Variants in ZZEF1 observed in about 807,000 individuals in gnomAD.
ZZEF1 encodes the protein zinc finger ZZ-type and EF-hand domain containing 1, also known as zinc finger ZZ-type and EF-hand domain-containing protein 1.
A neutral mutation model predicts 342.8 loss-of-function variants in ZZEF1; 157 were observed. The ratio of observed to expected loss-of-function variants is 0.46; its 90% CI spans 0.40 to 0.52. The LOEUF (loss-of-function observed/expected upper bound fraction) is 0.52. Among genes scored for constraint, ZZEF1 ranks in the 20% least tolerant of loss-of-function variants. ZZEF1 has a pLI of 0.00. For synonymous variants in ZZEF1, 1,505 were observed against 1,429.1 expected (o/e 1.05, Z -1.20); for missense variants, 3,480 against 3,725.6 (o/e 0.93, Z 1.72).
intron 52 of ZZEF1, among the ~76,000 whole-genome samples, chr17:4,012,337 C>T (rs898286029): frequency 1.3e-5 from 2 of 152,230 alleles, no homozygotes; most frequent in Non-Finnish European, 2.9e-5. Flanking sequence ...GGACTGACTA[C>T]ACAAGCCATC....
chr17:4,036,815 A>ACTCT (rs1416299428), intron 39 of ZZEF1, among the ~76,000 whole-genome samples: 18 of 78,734 alleles, frequency 2.3e-4, no homozygotes, highest in African/African-American at 4.5e-4. Context: ...ACACACACAC[A>ACTCT]CACTCTCTCT....
intron 46 of ZZEF1, 91 bp downstream of exon 46, chr17:4,019,576 CGA>C: frequency 8.7e-7 from 1 of 1,152,932 alleles, no homozygotes; most frequent in Admixed American, 2.2e-5. Flanking sequence ...GAGCGTCGAT[CGA>C]TCCAGAAGCT....
At chr17:4,055,981 G>A (rs375536816) in intron 33 of ZZEF1, among the ~76,000 whole-genome samples, 21 of 152,324 alleles carry the variant, frequency 1.4e-4, no homozygotes, top group Middle Eastern at 3.4e-3. Context: ...TCATGCTCCC[G>A]TGAAAATCCA....
At chr17:4,010,740 A>AAAAAAAAAG (rs1350188298) in intron 52 of ZZEF1, among the ~76,000 whole-genome samples, 1 of 149,252 alleles carries the variant, frequency 6.7e-6, no homozygotes, top group African/African-American at 2.5e-5. Context: ...AAAAAAGAAA[A>AAAAAAAAAG]AGAAAAAAGA....
chr17:4,125,227 ACACT>A (rs2058555136), intron 1 of ZZEF1, among the ~76,000 whole-genome samples: 1 of 152,094 alleles, frequency 6.6e-6, no homozygotes, highest in African/African-American at 2.4e-5. Flanking sequence ...TCCTGCTGAT[ACACT>A]CACTCACACA....
chr17:4,044,163 G>T, intron 38 of ZZEF1, 61 bp downstream of exon 38: 1 of 1,575,898 alleles, frequency 6.3e-7, no homozygotes, highest in Non-Finnish European at 8.7e-7. Flanking sequence ...AACAGCTCAG[G>T]GATGGGTATA....
chr17:4,011,786 A>G (rs1216807933), intron 52 of ZZEF1, among the ~76,000 whole-genome samples: 1 of 152,194 alleles, frequency 6.6e-6, no homozygotes, highest in Non-Finnish European at 1.5e-5. Flanking sequence ...TCTTTCTCCC[A>G]GAGGAATAAA....
chr17:4,089,655 T>C, intron 12 of ZZEF1, among the ~76,000 whole-genome samples: 2 of 122,608 alleles, frequency 1.6e-5, no homozygotes, highest in African/African-American at 6.2e-5. Flanking sequence ...GTGTTCTCAC[T>C]ATTCTCTCAG....
Position 4,142,938 on chromosome 17 carries a change from C to T in ZZEF1, c.-43G>A. The stretch of plus-strand genomic sequence containing the variant: ...CGCCTGGCTCTGCAGCCGCCGCCGC[C>T]GCCTCCCCGCCTCGACCTGTCAACC... On this transcript the variant is annotated 5_prime_UTR_variant, in exon 1 of 55. Coordinates refer to ENST00000381638, the MANE Select transcript of ZZEF1 (RefSeq NM_015113.4). 1 of 1,299,086 alleles carries T rather than the reference C, an allele frequency of 7.7e-7. No individual in the cohort carries two copies. Among genetic ancestry groups the T allele is most frequent in the South Asian group, 2.4e-5 (1 of 42,248 alleles). 80.5% of individuals were successfully genotyped at this position (1,299,086 alleles called of 1,614,324 possible). A position where few individuals can be genotyped will look rare whatever the true frequency, so the allele number is the denominator to read the frequency against.
intron 40 of ZZEF1, 113 bp downstream of exon 40, chr17:4,033,899 AGAC>A: frequency 7.3e-7 from 1 of 1,374,816 alleles, no homozygotes; most frequent in Middle Eastern, 2.7e-4. Context: ...CAAAACTCTC[AGAC>A]AACACAACTG....
intron 2 of ZZEF1, among the ~76,000 whole-genome samples, chr17:4,120,724 C>T (rs74728796): frequency 0.071 from 10,806 of 152,198 alleles, 493 homozygotes; most frequent in South Asian, 0.13. Flanking sequence ...GTGGAATGCC[C>T]GAGCTCAGGA....
At chr17:4,120,871 A>T (rs2058471867) in intron 2 of ZZEF1, among the ~76,000 whole-genome samples, 1 of 152,230 alleles carries the variant, frequency 6.6e-6, no homozygotes, top group African/African-American at 2.4e-5. Context: ...CAGTAAATGA[A>T]TTCCAAGCCT....
intron 8 of ZZEF1, 127 bp downstream of exon 8, chr17:4,104,506 G>A: frequency 1.0e-6 from 1 of 994,502 alleles, no homozygotes; most frequent in Non-Finnish European, 1.5e-6. Context: ...CGTTCATCCA[G>A]GAATCATGGT....
At chr17:4,142,493 TG>T in intron 1 of ZZEF1, 48 bp downstream of exon 1, 6 of 1,570,286 alleles carry the variant, frequency 3.8e-6, no homozygotes, top group South Asian at 2.3e-5. Flanking sequence ...TTCAGTCCCC[TG>T]GGGGCGACCG....
intron 24 of ZZEF1, 150 bp from the exon 25 acceptor site, chr17:4,072,906 T>C: frequency 1.3e-6 from 1 of 749,140 alleles, no homozygotes; most frequent in Non-Finnish European, 2.0e-6. Flanking sequence ...ATTGTGATAC[T>C]TTGTAAACAC....
At chr17:4,137,800 G>C (rs563712488) in intron 1 of ZZEF1, among the ~76,000 whole-genome samples, 5 of 152,206 alleles carry the variant, frequency 3.3e-5, no homozygotes, top group African/African-American at 1.2e-4. Context: ...GATCTGTACA[G>C]AACAGGTAAC....
At chr17:4,059,128 A>G in intron 31 of ZZEF1, 43 bp downstream of exon 31, 1 of 1,467,546 alleles carries the variant, frequency 6.8e-7, no homozygotes, top group Non-Finnish European at 8.9e-7. Flanking sequence ...AATCAGAAAA[A>G]AATACATTTT....
chr17:4,107,146 C>A lies in ZZEF1; in HGVS notation c.1278-1337G>T, dbSNP rs981547780. On this transcript the variant is annotated intron_variant, in intron 6 of 54. Coordinates refer to ENST00000381638, the MANE Select transcript of ZZEF1 (RefSeq NM_015113.4). ...ATTCTTTTCCTTACCTATTTTTCCT[C>A]ATTGATATTTTTTCAATAAATCTTT... Among the ~76,000 whole-genome samples, 3 of 152,182 alleles carry A rather than the reference C, an allele frequency of 2.0e-5. 1 individual carries two copies. Among genetic ancestry groups the A allele is most frequent in the African/African-American group, 7.2e-5 (3 of 41,434 alleles).
intron 13 of ZZEF1, 55 bp downstream of exon 13, chr17:4,088,623 T>C: frequency 3.2e-6 from 5 of 1,577,988 alleles, no homozygotes; most frequent in Non-Finnish European, 3.5e-6. Flanking sequence ...TTTCTCTGAA[T>C]ACTGTCATTC....
Sources: gnomAD v4.1 joint callset for allele counts (sites outside exome capture counted in the v4.1 genomes callset) on GRCh38, gnomAD v4.1.1 for gene constraint, MANE v1.5 for transcripts, NCBI Gene and HGNC (gene_info 2026-07-23, HGNC 2026-07-21) for gene names.